MGST1: variants seen among roughly 807,000 people sequenced by gnomAD.
The protein encoded by MGST1 is microsomal glutathione S-transferase 1.
A neutral mutation model predicts 8.9 loss-of-function variants in MGST1; 5 were observed. The observed-to-expected ratio is 0.56, with a 90% CI of 0.29 to 1.19. The LOEUF (loss-of-function observed/expected upper bound fraction) is 1.19, where lower values mean the gene tolerates loss of function less well. Ranked by LOEUF, MGST1 falls within the 50% of genes most tolerant of loss-of-function variation. The pLI is 0.08. For missense variants in MGST1, 182 were observed against 187.4 expected (o/e 0.97, Z 0.17); for synonymous variants, 54 against 67.8 (o/e 0.80, Z 1.00).
intron 4 of MGST1, among the ~76,000 whole-genome samples, chr12:16,505,103 T>G (rs1214270818): frequency 6.6e-6 from 1 of 152,192 alleles, no homozygotes; most frequent in Non-Finnish European, 1.5e-5. Flanking sequence ...GCTTCCTTTA[T>G]ATTCTCACTA....
chr12:16,372,298 A>T (rs1940306729), intron 3 of MGST1, among the ~76,000 whole-genome samples: 1 of 152,102 alleles, frequency 6.6e-6, no homozygotes, highest in South Asian at 2.1e-4. Context: ...GAGATTAATA[A>T]CAAGAACATA....
intron 4 of MGST1, among the ~76,000 whole-genome samples, chr12:16,473,904 T>G (rs1452049929): frequency 6.6e-6 from 1 of 151,998 alleles, no homozygotes; most frequent in Non-Finnish European, 1.5e-5. Context: ...AAATAAAAAT[T>G]TAAAAAAGTC....
intron 4 of MGST1, among the ~76,000 whole-genome samples, chr12:16,583,333 T>C (rs1225733317): frequency 6.6e-6 from 1 of 151,660 alleles, no homozygotes; most frequent in Admixed American, 6.6e-5. Context: ...AATTAGACAA[T>C]AGGGGAATTG....
intron 1 of MGST1, among the ~76,000 whole-genome samples, chr12:16,432,700 AC>A (rs1940949026): frequency 4.2e-5 from 6 of 142,986 alleles, no homozygotes; most frequent in African/African-American, 1.5e-4. Context: ...ACACACACAC[AC>A]ACACACACAC....
chr12:16,553,639 TCAAA>T (rs1392884929), intron 4 of MGST1, among the ~76,000 whole-genome samples: 1 of 152,106 alleles, frequency 6.6e-6, no homozygotes, highest in African/African-American at 2.4e-5. Context: ...CACATATGAC[TCAAA>T]CAAAACAGCC....
chr12:16,394,546 CT>C (rs1940587162), intron 1 of MGST1, among the ~76,000 whole-genome samples: 1 of 59,532 alleles, frequency 1.7e-5, no homozygotes, highest in Non-Finnish European at 3.2e-5. Flanking sequence ...TTCTTTCTTT[CT>C]TTCTTTCTTT....
chr12:16,394,514 CT>C (rs1285424661), intron 1 of MGST1, among the ~76,000 whole-genome samples: 4 of 3,208 alleles, frequency 1.2e-3, no homozygotes, highest in African/African-American at 3.0e-3. Flanking sequence ...CTTTCTCTCC[CT>C]TTCTTTCTTT....
intron 1 of MGST1, among the ~76,000 whole-genome samples, chr12:16,424,934 C>T (rs914070296): frequency 7.9e-5 from 12 of 152,134 alleles, no homozygotes; most frequent in African/African-American, 2.4e-4. Context: ...TTCACCTATG[C>T]ACATGCCAAA....
chr12:16,589,902 A>G (rs569628958), downstream of MGST1, among the ~76,000 whole-genome samples: 1 of 152,202 alleles, frequency 6.6e-6, no homozygotes, highest in African/African-American at 2.4e-5. The surrounding 1 kb of genome is among the most constrained non-coding windows in gnomAD (Gnocchi z 4.2). Flanking sequence ...CTCTCTGGCT[A>G]CTGTCTCCGT....
At chr12:16,390,206 A>G (rs1329036035) in intron 1 of MGST1, among the ~76,000 whole-genome samples, 1 of 152,248 alleles carries the variant, frequency 6.6e-6, no homozygotes, top group Admixed American at 6.5e-5. Flanking sequence ...GGGGAAAAAA[A>G]AAAAGAACAA....
At chr12:16,356,020 C>CAGAG (rs560456497) in intron 2 of MGST1, among the ~76,000 whole-genome samples, 2 of 150,384 alleles carry the variant, frequency 1.3e-5, no homozygotes, top group Non-Finnish European at 3.0e-5. Flanking sequence ...TGGCAGAGCA[C>CAGAG]AGAGAGAGAG....
intron 4 of MGST1, among the ~76,000 whole-genome samples, chr12:16,530,403 G>C (rs990060844): frequency 1.3e-5 from 2 of 151,978 alleles, no homozygotes; most frequent in African/African-American, 4.8e-5. Context: ...CCAAACACCT[G>C]CTACAAACTC....
At chr12:16,402,936 A>C (rs1940669991) in intron 1 of MGST1, among the ~76,000 whole-genome samples, 1 of 129,220 alleles carries the variant, frequency 7.7e-6, no homozygotes, top group African/African-American at 2.8e-5. Context: ...GTAAAAATAA[A>C]ATACATTTAA....
At chr12:16,472,434 T>G (rs1011821212) in intron 4 of MGST1, among the ~76,000 whole-genome samples, 4 of 118,890 alleles carry the variant, frequency 3.4e-5, no homozygotes, top group African/African-American at 1.2e-4. Context: ...CTTCCTTCTG[T>G]TTTTTTTTTT....
chr12:16,428,927 C>CT (rs1204968571), intron 1 of MGST1, among the ~76,000 whole-genome samples: 1 of 152,062 alleles, frequency 6.6e-6, no homozygotes, highest in South Asian at 2.1e-4. Flanking sequence ...ATGTAGCCAT[C>CT]TTTTTTTGTG....
rs1941517960 is a variant in MGST1 at position 16,503,321 on chromosome 12, G to T, written n.483-86207G>T. Reference sequence around the variant, plus strand: ...TTTTCTACTTTTTCCCTCATTCTTAGCTTGGCTTCACTCATAAATGTTATT... The same window carrying T: ...TTTTCTACTTTTTCCCTCATTCTTATCTTGGCTTCACTCATAAATGTTATT... On this transcript the variant is annotated intron_variant and non_coding_transcript_variant, in intron 4 of 4. Coordinates refer to the MGST1 transcript ENST00000538857. The surrounding 1 kb of genome is among the most constrained non-coding windows in gnomAD (Gnocchi z 4.8). Among the ~76,000 whole-genome samples, 1 of 152,122 alleles carries T rather than the reference G, an allele frequency of 6.6e-6. No individual in the cohort carries two copies. The highest frequency in any genetic ancestry group is 1.5e-5 in the Non-Finnish European group (1 of 68,010).
chr12:16,406,842 G>C (rs1310589492), intron 1 of MGST1, among the ~76,000 whole-genome samples: 2 of 152,202 alleles, frequency 1.3e-5, no homozygotes, highest in Non-Finnish European at 2.9e-5. Flanking sequence ...TGGGATAACT[G>C]GCTAGCTATA....
chr12:16,554,634 CTTACT>C (rs764037295), intron 4 of MGST1, among the ~76,000 whole-genome samples: 12 of 152,130 alleles, frequency 7.9e-5, no homozygotes, highest in East Asian at 3.9e-4. Flanking sequence ...CAAAGTTTAC[CTTACT>C]TTAAGTCCAC....
intron 1 of MGST1, among the ~76,000 whole-genome samples, chr12:16,418,383 G>T (rs1035358603): frequency 1.3e-5 from 2 of 152,100 alleles, no homozygotes; most frequent in Non-Finnish European, 2.9e-5. Context: ...AAAAACATCC[G>T]AAGGTAAAGC....
Sources: allele counts gnomAD v4.1 joint callset (sites outside exome capture counted in the v4.1 genomes callset), GRCh38; gene constraint gnomAD v4.1.1; non-coding constraint Gnocchi (gnomAD v3.1); transcripts MANE v1.5; gene names NCBI Gene and HGNC (gene_info 2026-07-23, HGNC 2026-07-21).